Variants in GTPBP1 observed in about 807,000 individuals in gnomAD.
GTPBP1 encodes the protein GTP-binding protein 1.
GTPBP1 carries 23 observed loss-of-function variants against 62.0 expected under a neutral mutation model. That is an observed-to-expected ratio of 0.37 (90% CI 0.27 to 0.53). The LOEUF (loss-of-function observed/expected upper bound fraction) is 0.53. Among genes scored for constraint, GTPBP1 ranks in the 20% least tolerant of loss-of-function variants. The probability of loss-of-function intolerance (pLI) is 0.89; values close to 1 mark genes in which losing one functional copy is unlikely to be tolerated. For missense variants in GTPBP1, 640 were observed against 917.3 expected, an observed-to-expected ratio of 0.70 and a Z score of 3.90; for synonymous variants, 344 against 364.4, an observed-to-expected ratio of 0.94 and a Z score of 0.64.
rs952114457 is a variant in GTPBP1 at position 38,726,888 on chromosome 22, C to T, written c.1402-325C>T. ...CCAGGAATAGTAGGACTTTCTTCCCCACAGTGGTCAGGTCATGCCCACCTG... is the reference window on the plus strand; with the variant it reads ...CCAGGAATAGTAGGACTTTCTTCCCTACAGTGGTCAGGTCATGCCCACCTG... On this transcript the variant is annotated intron_variant, in intron 8 of 11. Coordinates refer to ENST00000216044, the MANE Select transcript of GTPBP1 (RefSeq NM_004286.5). The surrounding 1 kb of genome is among the most constrained non-coding windows in gnomAD (Gnocchi z 4.1). 1.3e-5 allele frequency among the ~76,000 whole-genome samples: 2 copies of T among 152,198 alleles called. No homozygotes were observed. The highest frequency in any genetic ancestry group is 2.9e-5 in the Non-Finnish European group (2 of 68,040).
intron 6 of GTPBP1, chr22:38,725,500 GCAAATC>G (rs1278987343): frequency 6.5e-6 from 1 of 154,862 alleles, no homozygotes; most frequent in East Asian, 1.9e-4. Context: ...GTCAGAGTGA[GCAAATC>G]CACAAGGGCA....
In GTPBP1 at chr22:38,716,029, C is replaced by A. The variant is rs746199545; in HGVS notation, c.427C>A (p.Arg143Ser). Residue 143 changes from arginine (R) to serine (S), a missense_variant, in exon 3 of 12, where the codon CGC (arginine) becomes AGC (serine). Arg to Ser is a moderately radical substitution (Grantham distance 110). This residue lies in a region of GTPBP1 where 215 missense variants were observed against 235.1 expected (regional missense o/e 0.91). Coordinates refer to ENST00000216044, the MANE Select transcript of GTPBP1 (RefSeq NM_004286.5). This position sits in a 1 kb window ranked among gnomAD's most constrained non-coding sequence, Gnocchi z 5.2. The stretch of plus-strand genomic sequence containing the variant: ...GCGGGAACGGCAAGAAGCTGGGGGC[C>A]GCGTGCGTGATTACCTGGTCCGGAA... ...LLRERQEAGG[R>S]VRDYLVRKRV... 1 of 1,613,634 alleles carries A rather than the reference C, an allele frequency of 6.2e-7. No homozygotes were observed. The highest frequency in any genetic ancestry group is 8.5e-7 in the Non-Finnish European group (1 of 1,179,830).
chr22:38,739,209 G>C (rs2092833354), downstream of GTPBP1: 17 of 1,070,480 alleles, frequency 1.6e-5, no homozygotes. The surrounding 1 kb of genome is among the most constrained non-coding windows in gnomAD (Gnocchi z 6.7). Context: ...CCTTTGTCAT[G>C]GGTACTAGGT....
chr22:38,719,044 C>T (rs912522801), intron 4 of GTPBP1, among the ~76,000 whole-genome samples: 5 of 151,668 alleles, frequency 3.3e-5, no homozygotes, highest in Admixed American at 6.6e-5. Context: ...CTTGCTCTTT[C>T]GCCCAGACTG....
chr22:38,742,720 G>A (rs2092870391), downstream of GTPBP1: 8 of 855,986 alleles, frequency 9.3e-6, no homozygotes, highest in South Asian at 3.7e-5. Context: ...AGGGGCTGCC[G>A]ACCTCTGAGC....
Position 38,729,472 on chromosome 22 carries a change from C to A in GTPBP1, c.1727C>A (p.Thr576Asn). Residue 576 changes from threonine to asparagine, a missense_variant, in exon 11 of 12, where the codon ACC becomes AAC. Transcript: ENST00000216044. ...AVGTITKLLQ[T>N]TNNSPMNSKP... ...CCATGGCTCCCACAGCTCCTCCAGACCACCAACAACTCCCCAATGAACTCC... is the reference window on the plus strand; with the variant it reads ...CCATGGCTCCCACAGCTCCTCCAGAACACCAACAACTCCCCAATGAACTCC... The A allele has an allele frequency of 6.2e-7, 1 of 1,604,126 alleles. No individual in the cohort carries two copies. Among genetic ancestry groups the A allele is most frequent in the Admixed American group, 1.7e-5 (1 of 58,696 alleles).
intron 2 of GTPBP1, among the ~76,000 whole-genome samples, chr22:38,714,788 C>G (rs1305198591): frequency 6.6e-6 from 1 of 152,022 alleles, no homozygotes; most frequent in Non-Finnish European, 1.5e-5. Flanking sequence ...GGTTAGCCAG[C>G]CAGGGAAGGA....
At chr22:38,738,901 T>C, downstream of GTPBP1, 1 of 1,608,524 alleles carries the variant, frequency 6.2e-7, no homozygotes, top group South Asian at 1.1e-5. This position sits in a 1 kb window ranked among gnomAD's most constrained non-coding sequence, Gnocchi z 6.6. Context: ...TGACTGGGAG[T>C]GGTACCACAG....
intron 1 of GTPBP1, among the ~76,000 whole-genome samples, chr22:38,708,278 G>A (rs1265322793): frequency 1.3e-5 from 2 of 152,202 alleles, no homozygotes; most frequent in African/African-American, 2.4e-5. Context: ...GCAAAATGAC[G>A]GTGCTAATAC....
chr22:38,706,180 G>A (rs1266380562), intron 1 of GTPBP1, 33 bp downstream of exon 1: 3 of 1,208,602 alleles, frequency 2.5e-6, no homozygotes, highest in East Asian at 6.5e-5. Flanking sequence ...GGCGCTGAGG[G>A]GAGCGGGCGG....
intron 2 of GTPBP1, among the ~76,000 whole-genome samples, chr22:38,711,915 CTG>C (rs2092642613): frequency 1.3e-5 from 2 of 152,070 alleles, no homozygotes; most frequent in African/African-American, 2.4e-5. Flanking sequence ...GAGTTTCTGT[CTG>C]TCATCCAGGC....
chr22:38,708,768 T>G lies in GTPBP1; in HGVS notation c.193-77T>G, dbSNP rs2092621079. 4 of 828,386 alleles carry G rather than the reference T, an allele frequency of 4.8e-6. No individual in the cohort carries two copies. The Admixed American group carries it at 7.1e-5, about 15-fold the overall frequency. 51.3% of individuals were successfully genotyped at this position (828,386 alleles called of 1,614,324 possible). ...TATGGGGTTCAGTCAGGATCTTTGG[T>G]TAGGCTATATTGATCAGCTTTGGCT... On this transcript the variant is annotated intron_variant, in intron 1 of 11. Transcript: ENST00000216044.
At chr22:38,738,212 G>A (rs146141522), downstream of GTPBP1, 898 of 1,613,930 alleles carry the variant, frequency 5.6e-4, 8 homozygotes, top group African/African-American at 9.3e-3. The surrounding 1 kb of genome is among the most constrained non-coding windows in gnomAD (Gnocchi z 6.6). Context: ...CGTCCTGATC[G>A]TAAGTGAACT....
At chr22:38,719,159 C>T (rs1474674103) in intron 4 of GTPBP1, among the ~76,000 whole-genome samples, 2 of 152,064 alleles carry the variant, frequency 1.3e-5, no homozygotes, top group Admixed American at 6.6e-5. Flanking sequence ...GCACGTGCCA[C>T]CACACCCAGC....
chr22:38,740,246 G>A, downstream of GTPBP1: 1 of 1,543,694 alleles, frequency 6.5e-7, no homozygotes. This position sits in a 1 kb window ranked among gnomAD's most constrained non-coding sequence, Gnocchi z 4.8. Flanking sequence ...GACCAGCAGG[G>A]CCCTGGTGGT....
chr22:38,710,374 A>G (rs540520339), intron 2 of GTPBP1, among the ~76,000 whole-genome samples: 1 of 152,318 alleles, frequency 6.6e-6, no homozygotes, highest in East Asian at 1.9e-4. Flanking sequence ...GTATTTGGAA[A>G]TGTTGTAAGA....
In GTPBP1 at chr22:38,712,889, C is replaced by T. The variant is rs113027951; in HGVS notation, c.305-3018C>T. Among the ~76,000 whole-genome samples, 411 of 152,312 alleles carry T rather than the reference C, an allele frequency of 2.7e-3. 1 individual carries two copies. The highest frequency in any genetic ancestry group is 6.9e-3 in the Admixed American group (106 of 15,300). ...GCATTTAGAAACTCCTCAGCCCAAC[C>T]GCTCCCTCTTTGTTCATTTGTTTTA... On this transcript the variant is annotated intron_variant, in intron 2 of 11. Transcript: ENST00000216044.
chr22:38,728,417 T>C (rs1175083321), intron 10 of GTPBP1: 1 of 475,542 alleles, frequency 2.1e-6, no homozygotes, highest in Non-Finnish European at 3.9e-6. Flanking sequence ...TGACAGAATG[T>C]CTGGGCCCAG....
At chr22:38,736,398 G>T, downstream of GTPBP1, 1 of 1,600,250 alleles carries the variant, frequency 6.2e-7, no homozygotes. Flanking sequence ...GAGAAGAAAG[G>T]GATTAAGAGC....
Sources: allele counts gnomAD v4.1 joint callset (sites outside exome capture counted in the v4.1 genomes callset), GRCh38; gene constraint gnomAD v4.1.1; regional missense constraint gnomAD v4.1.1; non-coding constraint Gnocchi (gnomAD v3.1); transcripts MANE v1.5; gene names NCBI Gene and HGNC (gene_info 2026-07-23, HGNC 2026-07-21).